The following NEBL variants were observed in gnomAD, a reference collection of about 807,000 sequenced individuals.
NEBL encodes LIM and SH3 protein 2.
Under a neutral mutation model 140.2 loss-of-function variants are expected in NEBL, and 122 were observed. The ratio of observed to expected loss-of-function variants is 0.87; its 90% confidence interval spans 0.75 to 1.01. NEBL has a LOEUF of 1.01. NEBL is among the 50% of genes least tolerant of loss of function. The pLI is 0.00. For missense variants in NEBL, 1,365 were observed against 1,231.3 expected, an observed-to-expected ratio of 1.11 and a Z score of -1.62; for synonymous variants, 436 against 398.9, an observed-to-expected ratio of 1.09 and a Z score of -1.11.
chr10:21,268,998 A>G (rs1347360095), intron 1 of NEBL, among the ~76,000 whole-genome samples: 2 of 152,160 alleles, frequency 1.3e-5, no homozygotes, highest in African/African-American at 4.8e-5. Context: ...TTTAATCATA[A>G]TCATTATTGA....
upstream of NEBL, chr10:20,897,487 G>T: frequency 5.2e-6 from 6 of 1,158,802 alleles, no homozygotes; most frequent in East Asian, 4.9e-5. Flanking sequence ...TTTTTCCACT[G>T]GTTAAGAAAT....
chr10:21,072,989 T>A (rs1241605002), intron 2 of NEBL, among the ~76,000 whole-genome samples: 2 of 151,560 alleles, frequency 1.3e-5, no homozygotes, highest in Admixed American at 1.3e-4. Context: ...TGACTCTGTC[T>A]CAGAAAAAGA....
At chr10:21,198,016 G>T (rs931642030) in intron 3 of NEBL, among the ~76,000 whole-genome samples, 1 of 151,794 alleles carries the variant, frequency 6.6e-6, no homozygotes, top group Non-Finnish European at 1.5e-5. Context: ...CTGCAATCAT[G>T]AAACTCTGTC....
rs547189306 is a variant in NEBL at position 21,009,449 on chromosome 10, C to A, written c.249+10668G>T. On this transcript the variant is annotated intron_variant, in intron 3 of 6. Coordinates refer to the NEBL transcript ENST00000417816. Reference sequence around the variant, plus strand: ...AGTGTCAGTCAAAAGGGGTCCAGAGCAGCTCTACCAGTTGGGATCAAATTT... The same window carrying A: ...AGTGTCAGTCAAAAGGGGTCCAGAGAAGCTCTACCAGTTGGGATCAAATTT... Among the ~76,000 whole-genome samples the A allele has an allele frequency of 1.6e-4, 24 of 152,268 alleles. No homozygotes were observed. The South Asian group carries it at 4.6e-3, about 29-fold the overall frequency.
intron 4 of NEBL, among the ~76,000 whole-genome samples, chr10:20,912,901 T>A (rs1409758221): frequency 1.3e-5 from 2 of 150,184 alleles, no homozygotes; most frequent in Admixed American, 6.6e-5. Flanking sequence ...TTTTTTTTTT[T>A]AGACAGAGTC....
intron 3 of NEBL, among the ~76,000 whole-genome samples, chr10:21,222,576 T>C (rs1842085834): frequency 6.6e-6 from 1 of 152,174 alleles, no homozygotes; most frequent in African/African-American, 2.4e-5. Flanking sequence ...ACTACTATTT[T>C]CTTTGTGTTA....
rs138558829 is a variant in NEBL, at chr10:21,051,753, A to G, written c.165-31552T>C. Among the ~76,000 whole-genome samples, 92 of 152,364 alleles carry G rather than the reference A, an allele frequency of 6.0e-4. 9 individuals are homozygous for G. The East Asian group carries it at 0.018, about 29-fold the overall frequency. On this transcript the variant is annotated intron_variant, in intron 2 of 6. Coordinates refer to the NEBL transcript ENST00000417816. ...TTCTTAAATGTCCTAACTATATGTT[A>G]TCTACAGGAGACTCTGTTTTTAAAA...
At chr10:21,263,401 G>A (rs750061487) in intron 1 of NEBL, among the ~76,000 whole-genome samples, 8 of 152,094 alleles carry the variant, frequency 5.3e-5, no homozygotes, top group Non-Finnish European at 1.0e-4. Flanking sequence ...AGGGAAAGGG[G>A]GCGGGGGGTT....
At chr10:20,998,196 A>T (rs1347952991) in intron 3 of NEBL, among the ~76,000 whole-genome samples, 1 of 152,182 alleles carries the variant, frequency 6.6e-6, no homozygotes, top group Non-Finnish European at 1.5e-5. Flanking sequence ...GAAACATCTC[A>T]GGCTTTGGAG....
At chr10:21,222,633 G>T (rs10828216) in intron 3 of NEBL, among the ~76,000 whole-genome samples, 42,885 of 151,972 alleles carry the variant, frequency 0.28, 10,974 homozygotes, top group African/African-American at 0.69. Flanking sequence ...GTGTATATAT[G>T]TATGGGGTAC....
At chr10:20,861,251 C>T (rs1311046633) in intron 7 of NEBL, among the ~76,000 whole-genome samples, 1 of 152,170 alleles carries the variant, frequency 6.6e-6, no homozygotes, top group East Asian at 1.9e-4. Flanking sequence ...GATCTCAGCT[C>T]ACTGCAAGCT....
chr10:20,858,467 C>T (rs773420168), intron 8 of NEBL, 123 bp from the exon 9 acceptor site: 2 of 807,392 alleles, frequency 2.5e-6, no homozygotes, highest in Non-Finnish European at 4.1e-6. Flanking sequence ...GACGAATTTA[C>T]AAGGAGCCAC....
chr10:21,003,982 A>T (rs540145103), intron 3 of NEBL, among the ~76,000 whole-genome samples: 7 of 152,370 alleles, frequency 4.6e-5, no homozygotes, highest in African/African-American at 1.7e-4. Context: ...TGAATGTATC[A>T]AATGTGTATC....
chr10:20,929,705 C>A (rs1010895960), intron 4 of NEBL, among the ~76,000 whole-genome samples: 1 of 127,196 alleles, frequency 7.9e-6, no homozygotes, highest in East Asian at 2.7e-4. Context: ...AATGTGTACA[C>A]GTGGACATAC....
At chr10:20,813,873 T>C (rs1024398540) in intron 23 of NEBL, 66 bp downstream of exon 23, 1 of 1,022,700 alleles carries the variant, frequency 9.8e-7, no homozygotes, top group Admixed American at 1.7e-5. Flanking sequence ...AGTGAAGTAA[T>C]GCCATCCGTG....
intron 4 of NEBL, among the ~76,000 whole-genome samples, chr10:20,941,134 A>G (rs1349115021): frequency 6.6e-6 from 1 of 152,214 alleles, no homozygotes; most frequent in Non-Finnish European, 1.5e-5. Flanking sequence ...ACACAACAAA[A>G]AAAGGGAATT....
Position 20,868,310 on chromosome 10 carries a change from C to CTGTGTGTGTG in NEBL, c.684+344_684+353dup, listed in dbSNP as rs3085048. The CTGTGTGTGTG allele has an allele frequency of 1.8e-3, 285 of 155,906 alleles. 1 individual carries two copies. Among genetic ancestry groups the CTGTGTGTGTG allele is most frequent in the African/African-American group, 6.5e-3 (264 of 40,666 alleles). The allele number at this position is 155,906 out of a possible 1,614,324, so 9.7% of individuals were successfully genotyped here. On this transcript the variant is annotated intron_variant, in intron 7 of 27. Coordinates refer to ENST00000377122, the MANE Select transcript of NEBL (RefSeq NM_006393.3). Reference sequence around the variant, plus strand: ...AATATTTTTATTACTAAGTTAAAAACTGTGTGTGTGTGTGTGTGTGTGTGT... The same window carrying CTGTGTGTGTG: ...AATATTTTTATTACTAAGTTAAAAACTGTGTGTGTGTGTGTGTGTGTGTGTGTGTGTGTGT...
rs1393928259 is a variant in NEBL at position 21,029,559 on chromosome 10, T to C, written c.165-9358A>G. On this transcript the variant is annotated intron_variant, in intron 2 of 6. Coordinates refer to the NEBL transcript ENST00000417816. The stretch of plus-strand genomic sequence containing the variant: ...GGGACGATCGTTCTTTTGGCCGTGA[T>C]AGAAATCGGGATTCTGACAAAACAG... The C allele has an allele frequency of 2.5e-6, 4 of 1,603,120 alleles. No individual in the cohort carries two copies. The African/African-American group carries it at 5.4e-5, about 21-fold the overall frequency.
At chr10:20,786,005 C>G (rs943448650) in intron 27 of NEBL, 82 bp from the exon 28 acceptor site, 4 of 1,294,612 alleles carry the variant, frequency 3.1e-6, no homozygotes, top group Middle Eastern at 1.9e-4. Flanking sequence ...CCGACCCACA[C>G]ATAAAGTAAC....
Sources: allele counts gnomAD v4.1 joint callset (sites outside exome capture counted in the v4.1 genomes callset), GRCh38; gene constraint gnomAD v4.1.1; transcripts MANE v1.5; gene names NCBI Gene and HGNC (gene_info 2026-07-23, HGNC 2026-07-21).